The following ZFHX3 variants were observed in gnomAD, a reference collection of about 807,000 sequenced individuals.
ZFHX3 encodes the protein zinc finger homeobox 3.
Under a neutral mutation model 279.1 loss-of-function variants are expected in ZFHX3, and 42 were observed. The ratio of observed to expected loss-of-function variants is 0.15; its 90% confidence interval spans 0.12 to 0.19. The LOEUF (loss-of-function observed/expected upper bound fraction) is 0.19. ZFHX3 is among the 10% of genes least tolerant of loss of function. The pLI, the probability that ZFHX3 is intolerant of heterozygous loss-of-function variation, is 1.00. For synonymous variants in ZFHX3, 2,293 were observed against 1,957.8 expected, an observed-to-expected ratio of 1.17 and a Z score of -4.52; for missense variants, 4,981 against 4,754.0, an observed-to-expected ratio of 1.05 and a Z score of -1.40.
chr16:73,084,144 A>T (rs1965981079), intron 8 of ZFHX3, among the ~76,000 whole-genome samples: 1 of 152,256 alleles, frequency 6.6e-6, no homozygotes, highest in South Asian at 2.1e-4. Context: ...CAATGATCTT[A>T]ATAAAAATGT....
At chr16:73,401,063 T>G (rs1370856404) in intron 3 of ZFHX3, 1 of 152,122 alleles carries the variant, frequency 6.6e-6, no homozygotes, top group African/African-American at 2.4e-5. Flanking sequence ...TTTCTTTCTT[T>G]GAATTTTGCA....
intron 5 of ZFHX3, among the ~76,000 whole-genome samples, chr16:72,813,870 C>CGCG (rs1472166825): frequency 6.6e-6 from 1 of 152,178 alleles, no homozygotes; most frequent in Non-Finnish European, 1.5e-5. Context: ...TCCTATGGAA[C>CGCG]GTCGCGTTGC....
chr16:73,375,273 T>C (rs1344728445), intron 3 of ZFHX3, among the ~76,000 whole-genome samples: 1 of 152,204 alleles, frequency 6.6e-6, no homozygotes, highest in Non-Finnish European at 1.5e-5. Context: ...TCATTTTGTG[T>C]CGTCTTTGGC....
chr16:73,014,167 C>A (rs561110644), intron 1 of ZFHX3, among the ~76,000 whole-genome samples: 1 of 152,120 alleles, frequency 6.6e-6, no homozygotes, highest in Non-Finnish European at 1.5e-5. Flanking sequence ...AGAACCTAGA[C>A]CATGCAAGGA....
chr16:73,384,152 C>A (rs932669923), intron 3 of ZFHX3, among the ~76,000 whole-genome samples: 10 of 152,226 alleles, frequency 6.6e-5, no homozygotes, highest in African/African-American at 1.9e-4. Flanking sequence ...AATTGGCAAA[C>A]TGCAGCCCAA....
At chr16:73,682,948 A>G (rs867147936) in intron 1 of ZFHX3, among the ~76,000 whole-genome samples, 1 of 20,962 alleles carries the variant, frequency 4.8e-5, no homozygotes, top group African/African-American at 1.2e-4. Flanking sequence ...GAAAGAAAGA[A>G]AGAAAGAAAG....
intron 1 of ZFHX3, among the ~76,000 whole-genome samples, chr16:73,791,122 AC>A (rs1311520933): frequency 6.6e-6 from 1 of 151,834 alleles, no homozygotes; most frequent in Non-Finnish European, 1.5e-5. Flanking sequence ...GCACCACCAC[AC>A]CTGGCTAATT....
At chr16:73,390,842 G>T (rs2016997018) in intron 3 of ZFHX3, among the ~76,000 whole-genome samples, 1 of 151,848 alleles carries the variant, frequency 6.6e-6, no homozygotes, top group African/African-American at 2.4e-5. Flanking sequence ...TACTGAGGAG[G>T]TTTTAAAAAA....
intron 8 of ZFHX3, among the ~76,000 whole-genome samples, chr16:73,076,892 C>T (rs550649826): frequency 4.1e-4 from 61 of 149,194 alleles, no homozygotes; most frequent in African/African-American, 1.0e-3. Flanking sequence ...TATATGTATA[C>T]GCACACACAC....
intron 2 of ZFHX3, among the ~76,000 whole-genome samples, chr16:73,510,888 C>T (rs867446464): frequency 1.2e-4 from 18 of 152,350 alleles, no homozygotes; most frequent in Non-Finnish European, 2.2e-4. Flanking sequence ...GCAACTCACA[C>T]GTGCTGTGGC....
At chr16:73,136,725 CA>C (rs397855836) in intron 6 of ZFHX3, among the ~76,000 whole-genome samples, 9,500 of 41,612 alleles carry the variant, frequency 0.23, 161 homozygotes, top group Non-Finnish European at 0.28. Context: ...GACTCTGCCT[CA>C]AAAAAAAAAA....
At chr16:73,342,329 T>G (rs1212871985) in intron 3 of ZFHX3, among the ~76,000 whole-genome samples, 1 of 152,180 alleles carries the variant, frequency 6.6e-6, no homozygotes, top group Non-Finnish European at 1.5e-5. Context: ...CCTAGGTAAT[T>G]TATCCTGAAG....
intron 1 of ZFHX3, among the ~76,000 whole-genome samples, chr16:73,039,997 A>C (rs2144698651): frequency 6.6e-6 from 1 of 152,368 alleles, no homozygotes; most frequent in East Asian, 1.9e-4. Context: ...CTTTGTCGCC[A>C]GACTGGGTTG....
intron 3 of ZFHX3, among the ~76,000 whole-genome samples, chr16:72,904,476 A>T (rs777198378): frequency 6.6e-6 from 1 of 152,142 alleles, no homozygotes; most frequent in Non-Finnish European, 1.5e-5. Flanking sequence ...AAGCTCCACT[A>T]TTCCTCCTGG....
At chr16:73,751,712 T>A (rs993448) in intron 1 of ZFHX3, among the ~76,000 whole-genome samples, 19,192 of 152,202 alleles carry the variant, frequency 0.13, 1,197 homozygotes, top group South Asian at 0.13. Context: ...GAGAGAATCA[T>A]AAAGTAGGAG....
At chr16:73,335,767 G>A (rs2015900734) in intron 3 of ZFHX3, among the ~76,000 whole-genome samples, 1 of 152,196 alleles carries the variant, frequency 6.6e-6, no homozygotes, top group African/African-American at 2.4e-5. Flanking sequence ...AAGGCACAGA[G>A]TCCCACTGCC....
intron 4 of ZFHX3, among the ~76,000 whole-genome samples, chr16:72,838,837 G>A (rs1402519800): frequency 3.3e-5 from 5 of 152,286 alleles, no homozygotes; most frequent in African/African-American, 7.2e-5. Context: ...GTAAATGTGC[G>A]GTGACAAAGC....
At chr16:73,409,451 C>A (rs530662031) in intron 3 of ZFHX3, among the ~76,000 whole-genome samples, 3 of 152,222 alleles carry the variant, frequency 2.0e-5, no homozygotes, top group African/African-American at 7.2e-5. Context: ...AGCTTTTATC[C>A]AAAAGACAGG....
chr16:72,893,875 T>C (rs1487806703), intron 3 of ZFHX3, among the ~76,000 whole-genome samples: 1 of 152,130 alleles, frequency 6.6e-6, no homozygotes, highest in Non-Finnish European at 1.5e-5. Flanking sequence ...ATAGGCCGGA[T>C]GCAGTGGCTC....
Sources: gnomAD v4.1 joint callset for allele counts (sites outside exome capture counted in the v4.1 genomes callset) on GRCh38, gnomAD v4.1.1 for gene constraint, MANE v1.5 for transcripts, NCBI Gene and HGNC (gene_info 2026-07-23, HGNC 2026-07-21) for gene names.